Variants in CDYL2 observed in about 807,000 individuals in gnomAD.
The protein encoded by CDYL2 is chromodomain Y like 2.
In CDYL2, 23 loss-of-function variants were observed where a neutral mutation model predicts 49.4. That is an observed-to-expected ratio of 0.47 (90% confidence interval 0.34 to 0.66). The LOEUF is 0.66. Ranked by LOEUF, CDYL2 falls within the 30% of genes least tolerant of loss-of-function variation. The pLI, the probability that CDYL2 is intolerant of heterozygous loss-of-function variation, is 0.01. For missense variants in CDYL2, 678 were observed against 656.4 expected, an observed-to-expected ratio of 1.03 and a Z score of -0.36; for synonymous variants, 360 against 268.8, an observed-to-expected ratio of 1.34 and a Z score of -3.32.
chr16:80,671,676 G>A (rs936478422), intron 2 of CDYL2, among the ~76,000 whole-genome samples: 1 of 152,214 alleles, frequency 6.6e-6, no homozygotes, highest in Non-Finnish European at 1.5e-5. Flanking sequence ...CTCAGCTTCA[G>A]TGGAGACTAA....
chr16:80,647,419 A>G (rs1487553038), intron 2 of CDYL2, among the ~76,000 whole-genome samples: 1 of 152,180 alleles, frequency 6.6e-6, no homozygotes, highest in African/African-American at 2.4e-5. Context: ...AAAAAGAACA[A>G]AACTGCAGGA....
At chr16:80,739,279 G>T (rs964924887) in intron 1 of CDYL2, among the ~76,000 whole-genome samples, 2 of 152,174 alleles carry the variant, frequency 1.3e-5, no homozygotes, top group African/African-American at 4.8e-5. Context: ...AGTGTTTAAT[G>T]GGGACAGAGA....
intron 1 of CDYL2, among the ~76,000 whole-genome samples, chr16:80,737,163 C>CA (rs910028654): frequency 4.3e-4 from 66 of 152,118 alleles, no homozygotes; most frequent in African/African-American, 1.5e-3. Context: ...GCCCCCAGAC[C>CA]AAGTCTGCTT....
At position 80,602,851 on chromosome 16, in the gene CDYL2, G is replaced by C. The variant is rs1232830258; in HGVS notation, c.*1537C>G. 1 of 152,144 alleles carries C rather than the reference G, an allele frequency of 6.6e-6. No homozygotes were observed. The highest frequency in any genetic ancestry group is 1.5e-5 in the Non-Finnish European group (1 of 68,032). 9.4% of individuals were successfully genotyped at this position (152,144 alleles called of 1,614,324 possible). On this transcript the variant is annotated 3_prime_UTR_variant, in exon 7 of 7. Transcript: ENST00000570137. Reference sequence around the variant, plus strand: ...AGCTTTTTCTGGGTGCTTGACCCATGGTTTAAACCTCACGCAGAACACATC... The same window carrying C: ...AGCTTTTTCTGGGTGCTTGACCCATCGTTTAAACCTCACGCAGAACACATC...
intron 3 of CDYL2, among the ~76,000 whole-genome samples, chr16:80,621,770 A>T (rs1907094444): frequency 1.3e-5 from 2 of 152,144 alleles, no homozygotes; most frequent in Non-Finnish European, 2.9e-5. Context: ...AAGTTCCCCT[A>T]ATCTCCTGCT....
intron 2 of CDYL2, among the ~76,000 whole-genome samples, chr16:80,654,499 C>T (rs141309721): frequency 1.3e-5 from 2 of 152,312 alleles, no homozygotes; most frequent in Non-Finnish European, 2.9e-5. Context: ...GAAGGCAAGG[C>T]CACTGGCACA....
chr16:80,613,003 T>A (rs1482430126), intron 4 of CDYL2, among the ~76,000 whole-genome samples, 167 bp from the exon 5 acceptor site: 2 of 152,018 alleles, frequency 1.3e-5, no homozygotes, highest in South Asian at 2.1e-4. Flanking sequence ...GCTGTCAGAT[T>A]TTCTGAGGTA....
chr16:80,757,549 A>ATATAT (rs1404612062), intron 1 of CDYL2, among the ~76,000 whole-genome samples: 1,470 of 146,350 alleles, frequency 0.01, 25 homozygotes, highest in African/African-American at 0.037. Context: ...AAAAAAAAAA[A>ATATAT]AAAAATATAT....
intron 1 of CDYL2, among the ~76,000 whole-genome samples, chr16:80,772,315 G>C (rs112192036): frequency 1.7e-3 from 254 of 152,222 alleles, no homozygotes; most frequent in African/African-American, 5.8e-3. Flanking sequence ...AAAGTCAAAA[G>C]AATAATAACA....
intron 1 of CDYL2, among the ~76,000 whole-genome samples, chr16:80,705,791 T>C (rs1904384601): frequency 1.3e-5 from 2 of 152,244 alleles, no homozygotes; most frequent in South Asian, 4.1e-4. Context: ...TGTGTTCCAA[T>C]AAAACTTTAT....
intron 3 of CDYL2, among the ~76,000 whole-genome samples, chr16:80,630,275 G>A (rs369002719): frequency 7.9e-5 from 12 of 152,174 alleles, no homozygotes; most frequent in East Asian, 5.8e-4. Flanking sequence ...AACCAAGCCC[G>A]CAGCTCAGGA....
intron 4 of CDYL2, among the ~76,000 whole-genome samples, chr16:80,617,888 C>T (rs998004325): frequency 7.9e-5 from 12 of 152,194 alleles, no homozygotes; most frequent in African/African-American, 2.9e-4. Flanking sequence ...TCAACCCTGG[C>T]TGCACCTGAG....
Position 80,617,036 on chromosome 16 carries a change from G to T in CDYL2, c.1007+3727C>A, listed in dbSNP as rs763823144. ...CCAACACTGCTTTCCTGAATACCAC[G>T]TTTGAACAAGCCACCTTGTCACCTA... On this transcript the variant is annotated intron_variant, in intron 4 of 6. Transcript: ENST00000570137. 3.3e-5 allele frequency among the ~76,000 whole-genome samples: 5 copies of T among 152,186 alleles called. No individual in the cohort carries two copies. The South Asian group carries it at 1.0e-3, about 31-fold the overall frequency.
chr16:80,637,755 G>A (rs13339031), intron 2 of CDYL2, among the ~76,000 whole-genome samples: 8,874 of 152,110 alleles, frequency 0.058, 795 homozygotes, highest in African/African-American at 0.19. Flanking sequence ...CAGAAGAATT[G>A]GAATGTTCCC....
intron 1 of CDYL2, among the ~76,000 whole-genome samples, chr16:80,738,284 G>A (rs1251256551): frequency 6.6e-6 from 1 of 152,074 alleles, no homozygotes; most frequent in Non-Finnish European, 1.5e-5. Flanking sequence ...CATTCGGGTT[G>A]GTTACAAGTC....
At chr16:80,695,168 C>T (rs980515009) in intron 1 of CDYL2, among the ~76,000 whole-genome samples, 6 of 152,212 alleles carry the variant, frequency 3.9e-5, no homozygotes, top group African/African-American at 1.4e-4. Flanking sequence ...ACACCCATGT[C>T]CATGCATCTA....
chr16:80,728,557 G>C (rs1905235933), intron 1 of CDYL2, among the ~76,000 whole-genome samples: 1 of 152,152 alleles, frequency 6.6e-6, no homozygotes, highest in Non-Finnish European at 1.5e-5. Context: ...GCCCAATCTA[G>C]CAAGGCAGGC....
At chr16:80,772,458 T>G (rs1205318988) in intron 1 of CDYL2, among the ~76,000 whole-genome samples, 1 of 152,224 alleles carries the variant, frequency 6.6e-6, no homozygotes, top group Non-Finnish European at 1.5e-5. Flanking sequence ...ATTGCAATTT[T>G]TTTATTTTTT....
chr16:80,735,239 A>G (rs955293589), intron 1 of CDYL2: 4 of 152,242 alleles, frequency 2.6e-5, no homozygotes, highest in African/African-American at 9.6e-5. Flanking sequence ...ATCATGCCCA[A>G]GCTACTGTAT....
Sources: allele counts gnomAD v4.1 joint callset (sites outside exome capture counted in the v4.1 genomes callset), GRCh38; gene constraint gnomAD v4.1.1; transcripts MANE v1.5; gene names NCBI Gene and HGNC (gene_info 2026-07-23, HGNC 2026-07-21).